LONRF3: variants seen among roughly 807,000 people sequenced by gnomAD.
LONRF3 encodes LON peptidase N-terminal domain and RING finger protein 3.
Under a neutral mutation model 51.7 loss-of-function variants are expected in LONRF3, and 19 were observed. The observed-to-expected ratio is 0.37, with a 90% CI of 0.26 to 0.54. The LOEUF (loss-of-function observed/expected upper bound fraction) is 0.54. Among genes scored for constraint, LONRF3 ranks in the 20% least tolerant of loss-of-function variants. The pLI is 0.86. For synonymous variants in LONRF3, 265 were observed against 257.8 expected (o/e 1.03, Z -0.27); for missense variants, 521 against 623.9 (o/e 0.84, Z 1.76).
chrX:118,982,027 C>CCCCCGCTACTCTTTTTTCTTCCTTCTT (rs1435700794), intron 2 of LONRF3, among the ~76,000 whole-genome samples: 143 of 112,017 alleles, frequency 1.3e-3, no homozygotes, highest in Non-Finnish European at 1.5e-3. Context: ...GCAGCCCTCT[C>CCCCCGCTACTCTTTTTTCTTCCTTCTT]CCCCGCTACT....
At chrX:118,991,952 T>C (rs1367501194) in intron 5 of LONRF3, among the ~76,000 whole-genome samples, 1 of 112,182 alleles carries the variant, frequency 8.9e-6, no homozygotes, top group Non-Finnish European at 1.9e-5. Flanking sequence ...TTCTAATAGA[T>C]GTATTAATGT....
intron 2 of LONRF3, among the ~76,000 whole-genome samples, chrX:118,981,224 C>T (rs1922524766): frequency 9.1e-6 from 1 of 110,471 alleles, no homozygotes; most frequent in Non-Finnish European, 1.9e-5. Context: ...GTGGCTTACT[C>T]CTGTAATCCC....
chrX:119,000,259 C>A (rs750995944), intron 5 of LONRF3, among the ~76,000 whole-genome samples: 1 of 111,921 alleles, frequency 8.9e-6, no homozygotes, highest in Admixed American at 9.5e-5. Flanking sequence ...AGTATGAAAT[C>A]CAGTTTCATG....
rs755651841 is a variant in LONRF3 at position 119,015,558 on chromosome X, C to T, written c.2124+1202C>T. 1.4e-4 allele frequency among the ~76,000 whole-genome samples: 16 copies of T among 111,852 alleles called. No homozygotes were observed. In the East Asian group the frequency reaches 3.9e-3, roughly 28 times the overall value. Reference sequence around the variant, plus strand: ...TGACCCAGCTCCTGGCTCTGGGCCACGATGAGTCAGGACTGCAGCATATAC... The same window carrying T: ...TGACCCAGCTCCTGGCTCTGGGCCATGATGAGTCAGGACTGCAGCATATAC... On this transcript the variant is annotated intron_variant, in intron 10 of 10. Transcript: ENST00000371628.
In LONRF3 at chrX:118,975,189, G is replaced by A. The variant is rs1037052707; in HGVS notation, c.409G>A (p.Ala137Thr). 2 of 1,180,156 alleles carry A rather than the reference G, an allele frequency of 1.7e-6. No homozygotes were observed. Among genetic ancestry groups the A allele is most frequent in the African/African-American group, 3.5e-5 (2 of 56,723 alleles). Reference sequence around the variant, plus strand: ...GGGTAGCACTGCAAGCGGCACCGTGGCGGCGGAAGAGACGGGGGCCGCCGC... The same window carrying A: ...GGGTAGCACTGCAAGCGGCACCGTGACGGCGGAAGAGACGGGGGCCGCCGC... ...DEGSTASGTV[A>T]AEETGAAAAA... Residue 137 changes from alanine (A) to threonine (T), a missense_variant, in exon 1 of 11, where the codon GCG becomes ACG. Around this residue, in one of 2 missense-constraint regions of LONRF3, gnomAD observed 376 missense variants for 376.7 expected, o/e 1.00. Coordinates refer to ENST00000371628, the MANE Select transcript of LONRF3 (RefSeq NM_001031855.3).
chrX:119,010,977 G>T (rs929495830), intron 7 of LONRF3, among the ~76,000 whole-genome samples: 5 of 110,118 alleles, frequency 4.5e-5, no homozygotes, highest in Non-Finnish European at 9.5e-5. Context: ...AGCCAGGCAT[G>T]GTGGCATGCA....
At chrX:118,981,783 G>A (rs895123881) in intron 2 of LONRF3, among the ~76,000 whole-genome samples, 7 of 112,095 alleles carry the variant, frequency 6.2e-5, no homozygotes, top group African/African-American at 1.3e-4. Flanking sequence ...CCTCTGCAGC[G>A]AGGCCATAGC....
At chrX:119,010,525 GATCTTT>G (rs1057268488) in intron 7 of LONRF3, among the ~76,000 whole-genome samples, 1 of 110,730 alleles carries the variant, frequency 9.0e-6, no homozygotes, top group African/African-American at 3.3e-5. Flanking sequence ...CTACTCGGGG[GATCTTT>G]ATCTTTATTT....
At chrX:119,003,062 G>A (rs1481696406) in intron 5 of LONRF3, among the ~76,000 whole-genome samples, 1 of 111,489 alleles carries the variant, frequency 9.0e-6, no homozygotes. Context: ...GGTTACAGGT[G>A]TGAGCCACTG....
chrX:119,018,179 A>G lies in LONRF3; in HGVS notation c.*489A>G, dbSNP rs1168833672. Reference sequence around the variant, plus strand: ...TCTGTTTTAATAATTTATTTTTTGCACTACTGTATCCTTTTTTCTACATGT... The same window carrying G: ...TCTGTTTTAATAATTTATTTTTTGCGCTACTGTATCCTTTTTTCTACATGT... On this transcript the variant is annotated 3_prime_UTR_variant, in exon 11 of 11. Transcript: ENST00000371628. 8.9e-6 allele frequency: 1 copy of G among 112,606 alleles called. No homozygotes were observed. Among genetic ancestry groups the G allele is most frequent in the Non-Finnish European group, 1.9e-5 (1 of 53,408 alleles). The allele number at this position is 112,606 out of a possible 1,213,427, so 9.3% of individuals were successfully genotyped here.
Position 119,017,935 on chromosome X carries a change from G to C in LONRF3, c.*245G>C, listed in dbSNP as rs1925568880. 1 of 257,463 alleles carries C rather than the reference G, an allele frequency of 3.9e-6. No individual in the cohort carries two copies. 21.2% of individuals were successfully genotyped at this position (257,463 alleles called of 1,213,427 possible). A position where few individuals can be genotyped will look rare whatever the true frequency, so the allele number is the denominator to read the frequency against. On this transcript the variant is annotated 3_prime_UTR_variant, in exon 11 of 11. Coordinates refer to ENST00000371628, the MANE Select transcript of LONRF3 (RefSeq NM_001031855.3). ...CTACATAAACAGCAGAGGTGTTTAA[G>C]AGCCCAGAAAAACATAATTTGATTT...
Position 118,989,266 on chromosome X carries a change from C to T in LONRF3, c.1060-142C>T, listed in dbSNP as rs1923233230. The T allele has an allele frequency of 4.6e-6, 3 of 654,697 alleles. No individual in the cohort carries two copies. The South Asian group carries it at 9.4e-5, about 20-fold the overall frequency. The allele number at this position is 654,697 out of a possible 1,213,427, so 54.0% of individuals were successfully genotyped here. Reference sequence around the variant, plus strand: ...GTAGGAAATAATGCCTTATGACGGCCCCCAAGTTGAGCTCTGTGTCCACTA... The same window carrying T: ...GTAGGAAATAATGCCTTATGACGGCTCCCAAGTTGAGCTCTGTGTCCACTA... On this transcript the variant is annotated intron_variant, in intron 3 of 10. Transcript: ENST00000371628.
intron 3 of LONRF3, among the ~76,000 whole-genome samples, chrX:118,983,384 G>A (rs1922717917): frequency 8.9e-6 from 1 of 111,898 alleles, no homozygotes; most frequent in Non-Finnish European, 1.9e-5. Flanking sequence ...CAGCCCCTGG[G>A]AAGGGACGTT....
At chrX:118,985,685 T>A (rs746194778) in intron 3 of LONRF3, among the ~76,000 whole-genome samples, 16 of 111,692 alleles carry the variant, frequency 1.4e-4, no homozygotes, top group Non-Finnish European at 3.0e-4. Flanking sequence ...CGTGGTGTTG[T>A]TCAAGATGCT....
intron 6 of LONRF3, among the ~76,000 whole-genome samples, chrX:119,007,185 C>T (rs944922945): frequency 5.3e-5 from 6 of 112,715 alleles, no homozygotes; most frequent in African/African-American, 1.6e-4. Context: ...CTAATGTCAT[C>T]GTGGCACCTG....
intron 3 of LONRF3, among the ~76,000 whole-genome samples, chrX:118,988,707 T>A (rs1439241090): frequency 9.0e-6 from 1 of 111,277 alleles, no homozygotes; most frequent in African/African-American, 3.3e-5. Context: ...ATTGCACTTA[T>A]TTCTAAATCC....
In LONRF3 at chrX:119,009,294, T is replaced by A. The variant is rs779304151; in HGVS notation, c.1652+47T>A. ...TTTTGTTTCACTCATACCAGCTCAA[T>A]GAGAGCTGAATGTGCACATTACTTC... On this transcript the variant is annotated intron_variant, in intron 7 of 10. Transcript: ENST00000371628. The A allele has an allele frequency of 3.6e-6, 4 of 1,121,033 alleles. No individual in the cohort carries two copies. In the African/African-American group the frequency reaches 5.4e-5, roughly 15 times the overall value. 92.4% of individuals were successfully genotyped at this position (1,121,033 alleles called of 1,213,427 possible). A position where few individuals can be genotyped will look rare whatever the true frequency, so the allele number is the denominator to read the frequency against.
chrX:119,016,134 G>A lies in LONRF3; in HGVS notation c.2125-1401G>A, dbSNP rs375345945. Among the ~76,000 whole-genome samples the A allele has an allele frequency of 2.7e-5, 3 of 111,680 alleles. No homozygotes were observed. In the East Asian group the frequency reaches 8.4e-4, roughly 31 times the overall value. On this transcript the variant is annotated intron_variant, in intron 10 of 10. Transcript: ENST00000371628. ...AATTTGGAGCCAAATAATTTCAGGT[G>A]TAGGCACTTTGACCAGAATGGTTCT...
intron 5 of LONRF3, among the ~76,000 whole-genome samples, chrX:119,004,215 A>G (rs1307147532): frequency 8.9e-6 from 1 of 111,807 alleles, no homozygotes; most frequent in East Asian, 2.8e-4. Flanking sequence ...GATAACTAAA[A>G]TTTATTAGTT....
Sources: gnomAD v4.1 joint callset for allele counts (sites outside exome capture counted in the v4.1 genomes callset) on GRCh38, gnomAD v4.1.1 for gene constraint, gnomAD v4.1.1 regional missense constraint, MANE v1.5 for transcripts, NCBI Gene and HGNC (gene_info 2026-07-23, HGNC 2026-07-21) for gene names.